The following CAMTA1 variants were observed in gnomAD, a reference collection of about 807,000 sequenced individuals.
The protein encoded by CAMTA1 is calmodulin binding transcription activator 1.
A neutral mutation model predicts 170.9 loss-of-function variants in CAMTA1; 27 were observed. The observed-to-expected ratio is 0.16, with a 90% CI of 0.12 to 0.22. The LOEUF (loss-of-function observed/expected upper bound fraction) is 0.22, where lower values mean the gene tolerates loss of function less well. Among genes scored for constraint, CAMTA1 ranks in the 10% least tolerant of loss-of-function variants. CAMTA1 has a pLI of 1.00. For missense variants in CAMTA1, 1,619 were observed against 2,217.2 expected (o/e 0.73, Z 5.42); for synonymous variants, 833 against 891.5 (o/e 0.93, Z 1.17).
intron 4 of CAMTA1, among the ~76,000 whole-genome samples, chr1:7,161,088 A>G (rs1279153631): frequency 6.6e-6 from 1 of 151,978 alleles, no homozygotes; most frequent in African/African-American, 2.4e-5. Context: ...ATAAACCTCA[A>G]TTCTGTGTAT....
intron 1 of CAMTA1, among the ~76,000 whole-genome samples, chr1:6,803,023 A>G (rs2148230614): frequency 6.6e-6 from 1 of 152,332 alleles, no homozygotes; most frequent in South Asian, 2.1e-4. Flanking sequence ...GGCTGGGATT[A>G]CAGGCGTGAG....
intron 1 of CAMTA1, chr1:6,806,907 C>T (rs1010132509): frequency 1.2e-5 from 5 of 418,494 alleles, no homozygotes; most frequent in African/African-American, 4.0e-5. Flanking sequence ...GCAGGGGCCA[C>T]GTGAACATTG....
chr1:7,114,716 C>A (rs1351202506), intron 4 of CAMTA1, among the ~76,000 whole-genome samples: 1 of 150,928 alleles, frequency 6.6e-6, no homozygotes, highest in African/African-American at 2.4e-5. Flanking sequence ...AAACCTGAGA[C>A]CCAGGAGAGC....
rs547048536 is a variant in CAMTA1, at chr1:7,556,712, C to T, written c.511-83688C>T. Among the ~76,000 whole-genome samples the T allele has an allele frequency of 6.6e-4, 100 of 152,260 alleles. 1 individual carries two copies. Among genetic ancestry groups the T allele is most frequent in the African/African-American group, 2.3e-3 (96 of 41,538 alleles). ...TCGTCTGCCTGGGCCATCCACCTCC[C>T]CTCCTCTGCTCACACCCACTCAGCC... On this transcript the variant is annotated intron_variant, in intron 6 of 22. Transcript: ENST00000303635.
At chr1:7,725,060 C>A (rs914131296) in intron 11 of CAMTA1, among the ~76,000 whole-genome samples, 4 of 152,100 alleles carry the variant, frequency 2.6e-5, no homozygotes, top group African/African-American at 7.2e-5. Flanking sequence ...AAAAGGAGCA[C>A]AGGGAGAAGA....
At chr1:6,815,380 T>C (rs1268906073) in intron 1 of CAMTA1, among the ~76,000 whole-genome samples, 2 of 152,104 alleles carry the variant, frequency 1.3e-5, no homozygotes, top group Non-Finnish European at 2.9e-5. Flanking sequence ...AATATTTTAA[T>C]ATTTGTAGAG....
intron 4 of CAMTA1, among the ~76,000 whole-genome samples, chr1:7,134,208 T>C (rs921829767): frequency 3.9e-5 from 6 of 152,242 alleles, no homozygotes; most frequent in Admixed American, 2.6e-4. Flanking sequence ...CCTGCATCCA[T>C]GTTGCTCCAA....
intron 4 of CAMTA1, among the ~76,000 whole-genome samples, chr1:7,188,695 G>A (rs1005663423): frequency 6.6e-6 from 1 of 152,124 alleles, no homozygotes; most frequent in Non-Finnish European, 1.5e-5. Context: ...CATATTTTGT[G>A]TAGCTGCTCA....
At chr1:7,733,695 CCT>C (rs1352241881) in intron 12 of CAMTA1, among the ~76,000 whole-genome samples, 2 of 152,066 alleles carry the variant, frequency 1.3e-5, no homozygotes, top group African/African-American at 2.4e-5. Flanking sequence ...AATAATGCCC[CCT>C]CTTTCTCTTC....
intron 6 of CAMTA1, among the ~76,000 whole-genome samples, chr1:7,552,543 G>T (rs907246810): frequency 1.3e-5 from 2 of 152,250 alleles, no homozygotes; most frequent in African/African-American, 4.8e-5. Context: ...CGACAGGAGG[G>T]AAGGAAGGAG....
intron 22 of CAMTA1, 67 bp from the exon 23 acceptor site, chr1:7,766,391 CT>C: frequency 6.6e-7 from 1 of 1,508,770 alleles, no homozygotes; most frequent in Non-Finnish European, 9.2e-7. Flanking sequence ...GGTAATACCC[CT>C]TTCCTTTACT....
chr1:7,078,501 C>A (rs1425642877), intron 3 of CAMTA1, among the ~76,000 whole-genome samples: 1 of 152,176 alleles, frequency 6.6e-6, no homozygotes, highest in East Asian at 1.9e-4. Context: ...GTCTCTGAGA[C>A]AACAATGACA....
At chr1:7,563,631 G>C (rs1309823006) in intron 6 of CAMTA1, among the ~76,000 whole-genome samples, 1 of 152,234 alleles carries the variant, frequency 6.6e-6, no homozygotes, top group Non-Finnish European at 1.5e-5. Flanking sequence ...GGCAGCCAGT[G>C]CGTTTGCTCA....
chr1:6,822,531 G>T (rs955195004), intron 2 of CAMTA1, among the ~76,000 whole-genome samples: 1 of 152,088 alleles, frequency 6.6e-6, no homozygotes, highest in Admixed American at 6.6e-5. Flanking sequence ...TATTCAGCGT[G>T]AACCTAAAAT....
chr1:7,413,249 G>A (rs926090557), intron 5 of CAMTA1, among the ~76,000 whole-genome samples: 19 of 152,084 alleles, frequency 1.2e-4, no homozygotes, highest in African/African-American at 3.6e-4. Context: ...GCTCTTTTTT[G>A]GTTCCATATG....
intron 5 of CAMTA1, among the ~76,000 whole-genome samples, chr1:7,267,065 C>T (rs1340168566): frequency 6.6e-6 from 1 of 152,162 alleles, no homozygotes; most frequent in Non-Finnish European, 1.5e-5. Context: ...GGATATGTCC[C>T]TTAGACCCTC....
In CAMTA1 at chr1:7,455,258, C is replaced by T. The variant is rs2092923581; in HGVS notation, c.439-12572C>T. 6.6e-6 allele frequency among the ~76,000 whole-genome samples: 1 copy of T among 152,206 alleles called. No homozygotes were observed. Among genetic ancestry groups the T allele is most frequent in the Non-Finnish European group, 1.5e-5 (1 of 68,040 alleles). ...TCTGCGTGTGTGTTTCCGACACTGG[C>T]TCCCAGGTGGAAGGCCTGATGCCGC... On this transcript the variant is annotated intron_variant, in intron 5 of 22. Coordinates refer to ENST00000303635, the MANE Select transcript of CAMTA1 (RefSeq NM_015215.4). The surrounding 1 kb of genome is among the most constrained non-coding windows in gnomAD (Gnocchi z 5.0).
rs1027878935 is a variant in CAMTA1, at chr1:7,435,556, G to C, written c.439-32274G>C. On this transcript the variant is annotated intron_variant, in intron 5 of 22. Transcript: ENST00000303635. The surrounding 1 kb of genome is among the most constrained non-coding windows in gnomAD (Gnocchi z 4.4). ...GGCAGTGGGCTCTTCAGGGTTCTCA[G>C]CCTGGTTCACTGTGGTGGCAGTGGA... Among the ~76,000 whole-genome samples, 1 of 152,208 alleles carries C rather than the reference G, an allele frequency of 6.6e-6. No homozygotes were observed. Among genetic ancestry groups the C allele is most frequent in the Non-Finnish European group, 1.5e-5 (1 of 68,036 alleles).
chr1:7,601,202 G>A (rs1171035895), intron 6 of CAMTA1, among the ~76,000 whole-genome samples: 3 of 150,660 alleles, frequency 2.0e-5, no homozygotes, highest in Non-Finnish European at 4.4e-5. Flanking sequence ...CTGCTGGGCG[G>A]AGACGCTCCT....
Sources: gnomAD v4.1 joint callset for allele counts (sites outside exome capture counted in the v4.1 genomes callset) on GRCh38, gnomAD v4.1.1 for gene constraint, Gnocchi (gnomAD v3.1) non-coding constraint, MANE v1.5 for transcripts, NCBI Gene and HGNC (gene_info 2026-07-23, HGNC 2026-07-21) for gene names.